The following SPAG1 variants were observed in gnomAD, a reference collection of about 807,000 sequenced individuals.
SPAG1 encodes sperm associated antigen 1.
SPAG1 carries 69 observed loss-of-function variants against 100.5 expected under a neutral mutation model. The observed-to-expected ratio is 0.69, with a 90% CI of 0.57 to 0.84. The LOEUF is 0.84. SPAG1 is among the 40% of genes least tolerant of loss of function. The pLI is 0.00. For synonymous variants in SPAG1, 336 were observed against 411.6 expected (o/e 0.82, Z 2.22); for missense variants, 955 against 1,133.1 (o/e 0.84, Z 2.26).
At chr8:100,177,699 C>T in intron 3 of SPAG1, 117 bp from the exon 4 acceptor site, 1 of 502,176 alleles carries the variant, frequency 2.0e-6, no homozygotes, top group Non-Finnish European at 3.2e-6. Context: ...AAAAAATCCA[C>T]ATATAAGTGG....
intron 8 of SPAG1, among the ~76,000 whole-genome samples, chr8:100,188,449 C>G (rs1816678360): frequency 6.6e-6 from 1 of 152,200 alleles, no homozygotes; most frequent in Non-Finnish European, 1.5e-5. Context: ...GCCACCAAGC[C>G]TGGCCTGCTA....
At chr8:100,180,547 C>T (rs1348685983) in intron 4 of SPAG1, among the ~76,000 whole-genome samples, 1 of 152,178 alleles carries the variant, frequency 6.6e-6, no homozygotes, top group Non-Finnish European at 1.5e-5. Flanking sequence ...ATGGCATCTC[C>T]TCTAAAAATT....
chr8:100,241,153 C>T lies in SPAG1; in HGVS notation c.*131C>T, dbSNP rs1284045170. Reference sequence around the variant, plus strand: ...TTGGTCTGCACTATAAAACATTTTACTTATTTTCCTACATAGAACATGTAT... The same window carrying T: ...TTGGTCTGCACTATAAAACATTTTATTTATTTTCCTACATAGAACATGTAT... On this transcript the variant is annotated 3_prime_UTR_variant, in exon 19 of 19. Transcript: ENST00000388798. This position sits in a 1 kb window ranked among gnomAD's most constrained non-coding sequence, Gnocchi z 5.1. 8.2e-6 allele frequency: 6 copies of T among 729,834 alleles called. No homozygotes were observed. The highest frequency in any genetic ancestry group is 1.3e-5 in the Non-Finnish European group (6 of 471,142). The allele number at this position is 729,834 out of a possible 1,614,324, so 45.2% of individuals were successfully genotyped here.
chr8:100,220,459 A>C (rs759892082), intron 13 of SPAG1, 28 bp downstream of exon 13: 2 of 1,592,864 alleles, frequency 1.3e-6, no homozygotes, highest in Non-Finnish European at 1.7e-6. Flanking sequence ...GCTACCTAAA[A>C]TCTAGTTGTT....
chr8:100,162,409 T>C lies in SPAG1; in HGVS notation c.129T>C (p.Leu43=). Reference sequence around the variant, plus strand: ...ATGTTAAACATCTGGAAAAAATTCTTTGCGTGCTCAGGTAAGCATTTTAAA... The same window carrying C: ...ATGTTAAACATCTGGAAAAAATTCTCTGCGTGCTCAGGTAAGCATTTTAAA... ...CSDVKHLEKI[L]CVLRSGEEGY... Residue 43 remains leucine, a synonymous_variant, in exon 2 of 19, where the codon CTT becomes CTC. Transcript: ENST00000388798. The C allele has an allele frequency of 1.3e-6, 2 of 1,581,814 alleles. No homozygotes were observed. The highest frequency in any genetic ancestry group is 1.7e-6 in the Non-Finnish European group (2 of 1,169,244).
intron 3 of SPAG1, among the ~76,000 whole-genome samples, chr8:100,167,531 G>C (rs914895412): frequency 2.0e-5 from 3 of 152,200 alleles, no homozygotes; most frequent in African/African-American, 7.2e-5. Context: ...TTGGATGGCA[G>C]TTGACTGTGG....
At position 100,239,661 on chromosome 8, in the gene SPAG1, C is replaced by T. The variant is rs961298699; in HGVS notation, c.2280+257C>T. On this transcript the variant is annotated intron_variant, in intron 17 of 18. Transcript: ENST00000388798. The surrounding 1 kb of genome is among the most constrained non-coding windows in gnomAD (Gnocchi z 5.0). ...TTCCTTTCTTTGGCCTCCATCTGTA[C>T]TGCTCCCACTCCAGAGTACACTGGG... 3.9e-5 allele frequency among the ~76,000 whole-genome samples: 6 copies of T among 152,242 alleles called. No homozygotes were observed. Among genetic ancestry groups the T allele is most frequent in the Non-Finnish European group, 8.8e-5 (6 of 68,044 alleles).
chr8:100,174,485 C>T (rs1586405447), intron 3 of SPAG1, among the ~76,000 whole-genome samples: 1 of 152,074 alleles, frequency 6.6e-6, no homozygotes, highest in South Asian at 2.1e-4. Flanking sequence ...GAGGCAGGTG[C>T]ACTTGGTGTA....
intron 8 of SPAG1, among the ~76,000 whole-genome samples, chr8:100,189,000 GT>G (rs1816699272): frequency 6.6e-6 from 1 of 152,148 alleles, no homozygotes; most frequent in South Asian, 2.1e-4. Flanking sequence ...GCCAGGCCCC[GT>G]GCCAAGCACT....
At chr8:100,232,391 T>A (rs555651422) in intron 15 of SPAG1, among the ~76,000 whole-genome samples, 1 of 152,026 alleles carries the variant, frequency 6.6e-6, no homozygotes, top group Non-Finnish European at 1.5e-5. Flanking sequence ...CATTCCATCC[T>A]CTCCCCAGGT....
At chr8:100,160,792 G>C (rs1020342545) in intron 1 of SPAG1, among the ~76,000 whole-genome samples, 1 of 152,106 alleles carries the variant, frequency 6.6e-6, no homozygotes, top group African/African-American at 2.4e-5. Flanking sequence ...AAGAATGATT[G>C]GGATGTTAAC....
At chr8:100,166,021 A>G (rs769146587) in intron 3 of SPAG1, 48 bp downstream of exon 3, 3 of 1,476,220 alleles carry the variant, frequency 2.0e-6, no homozygotes, top group East Asian at 2.3e-5. Flanking sequence ...GACATTCTAT[A>G]TATGTTTACT....
rs1008992217 is a variant in SPAG1 at position 100,200,980 on chromosome 8, G to GC, written c.1096+6718dup. Among the ~76,000 whole-genome samples, 39 of 151,174 alleles carry GC rather than the reference G, an allele frequency of 2.6e-4. 1 individual carries two copies. ...ATGAAGTCCAATTTTTTTTTTCAGAGCCCCCCTTAAGAAAGATTTTTTTCA... is the reference window on the plus strand; with the variant it reads ...ATGAAGTCCAATTTTTTTTTTCAGAGCCCCCCCTTAAGAAAGATTTTTTTCA... On this transcript the variant is annotated intron_variant, in intron 10 of 18. Coordinates refer to ENST00000388798, the MANE Select transcript of SPAG1 (RefSeq NM_003114.5).
At chr8:100,205,311 G>A (rs1260907504) in intron 10 of SPAG1, among the ~76,000 whole-genome samples, 1 of 152,116 alleles carries the variant, frequency 6.6e-6, no homozygotes, top group African/African-American at 2.4e-5. Flanking sequence ...AACTTGCACT[G>A]GGGAAAGGGA....
chr8:100,183,136 C>A (rs1022436970), intron 4 of SPAG1, among the ~76,000 whole-genome samples: 1 of 152,032 alleles, frequency 6.6e-6, no homozygotes, highest in Non-Finnish European at 1.5e-5. Flanking sequence ...CCATGCCCAG[C>A]TAATTTTTGT....
chr8:100,222,578 C>A (rs1043017263), intron 13 of SPAG1, among the ~76,000 whole-genome samples: 12 of 152,058 alleles, frequency 7.9e-5, no homozygotes, highest in African/African-American at 2.9e-4. Context: ...GATCTTCTCA[C>A]AGTGTTAGAG....
At chr8:100,226,782 T>C (rs746050198) in intron 14 of SPAG1, among the ~76,000 whole-genome samples, 3 of 152,156 alleles carry the variant, frequency 2.0e-5, no homozygotes, top group African/African-American at 4.8e-5. Flanking sequence ...GACTGATATG[T>C]TTAAAATAAT....
chr8:100,207,566 A>G (rs1375825214), intron 10 of SPAG1, among the ~76,000 whole-genome samples: 1 of 152,208 alleles, frequency 6.6e-6, no homozygotes, highest in Admixed American at 6.5e-5. Flanking sequence ...ACCTGGTGGT[A>G]CACTTTGCAT....
intron 3 of SPAG1, among the ~76,000 whole-genome samples, chr8:100,172,493 G>T (rs990545858): frequency 1.3e-5 from 2 of 152,022 alleles, no homozygotes; most frequent in Non-Finnish European, 2.9e-5. Flanking sequence ...GGTGGTGCAT[G>T]CCTGTAATCC....
Sources: gnomAD v4.1 joint callset for allele counts (sites outside exome capture counted in the v4.1 genomes callset) on GRCh38, gnomAD v4.1.1 for gene constraint, Gnocchi (gnomAD v3.1) non-coding constraint, MANE v1.5 for transcripts, NCBI Gene and HGNC (gene_info 2026-07-23, HGNC 2026-07-21) for gene names.